NLGN1: variants seen among roughly 807,000 people sequenced by gnomAD.
The protein encoded by NLGN1 is neuroligin 1.
NLGN1 carries 12 observed loss-of-function variants against 65.5 expected under a neutral mutation model. The observed-to-expected ratio is 0.18, with a 90% CI of 0.12 to 0.30. The LOEUF is 0.30. Ranked by LOEUF, NLGN1 falls within the 10% of genes least tolerant of loss-of-function variation. The probability of loss-of-function intolerance (pLI) is 1.00; values close to 1 mark genes in which losing one functional copy is unlikely to be tolerated. For synonymous variants in NLGN1, 350 were observed against 359.5 expected (o/e 0.97, Z 0.30); for missense variants, 750 against 1,007.1 (o/e 0.74, Z 3.46).
intron 3 of NLGN1, among the ~76,000 whole-genome samples, chr3:173,744,505 C>T (rs1775078238): frequency 6.6e-6 from 1 of 152,044 alleles, no homozygotes; most frequent in Admixed American, 6.6e-5. Flanking sequence ...CAGAGAACAG[C>T]ATATTTTAGA....
intron 2 of NLGN1, among the ~76,000 whole-genome samples, chr3:173,507,161 A>ATAAG (rs891059206): frequency 2.0e-5 from 3 of 152,150 alleles, no homozygotes; most frequent in Admixed American, 2.0e-4. Flanking sequence ...GCTGTAGGGA[A>ATAAG]TAAGTACATG....
chr3:174,073,904 A>G (rs893503448), intron 4 of NLGN1, among the ~76,000 whole-genome samples: 3 of 152,212 alleles, frequency 2.0e-5, no homozygotes, highest in African/African-American at 7.2e-5. Context: ...GATAAATACT[A>G]TATTTAAGGT....
chr3:173,759,651 A>G (rs1565197), intron 3 of NLGN1, among the ~76,000 whole-genome samples: 10,508 of 151,904 alleles, frequency 0.069, 554 homozygotes, highest in Non-Finnish European at 0.097. Context: ...ACTTTCATTT[A>G]TATTTCCCTT....
intron 4 of NLGN1, among the ~76,000 whole-genome samples, chr3:174,268,062 GT>G (rs1748620728): frequency 1.3e-5 from 2 of 152,014 alleles, no homozygotes; most frequent in Admixed American, 1.3e-4. Context: ...GAAGTATATA[GT>G]TCCTGAGGAC....
intron 4 of NLGN1, among the ~76,000 whole-genome samples, chr3:174,133,385 T>C (rs1029373345): frequency 6.6e-5 from 10 of 152,224 alleles, no homozygotes; most frequent in Non-Finnish European, 1.3e-4. Flanking sequence ...TCCTCCCATT[T>C]AATCTTTCCT....
upstream of NLGN1, chr3:173,396,764 C>G (rs2148584721): frequency 6.6e-6 from 1 of 152,414 alleles, no homozygotes; most frequent in South Asian, 2.1e-4. Flanking sequence ...CGAGAACTTC[C>G]TATTCCCTGC....
intron 4 of NLGN1, among the ~76,000 whole-genome samples, chr3:174,241,120 C>T (rs1319296544): frequency 6.6e-6 from 1 of 152,048 alleles, no homozygotes; most frequent in Non-Finnish European, 1.5e-5. Flanking sequence ...TAGCTTTGAA[C>T]CCTACATTTT....
intron 3 of NLGN1, among the ~76,000 whole-genome samples, chr3:173,748,639 CA>C (rs1427568964): frequency 6.6e-6 from 1 of 152,066 alleles, no homozygotes; most frequent in East Asian, 1.9e-4. Context: ...AACAAACAAA[CA>C]AAAGGTTTCT....
chr3:173,764,258 G>T (rs186512583), intron 3 of NLGN1, among the ~76,000 whole-genome samples: 5 of 152,198 alleles, frequency 3.3e-5, no homozygotes, highest in Non-Finnish European at 7.4e-5. Context: ...AAAACTAATG[G>T]CATCTTAACT....
intron 2 of NLGN1, among the ~76,000 whole-genome samples, chr3:173,517,750 T>TTATC (rs368708618): frequency 0.31 from 45,963 of 147,048 alleles, 7,102 homozygotes; most frequent in Middle Eastern, 0.36. Flanking sequence ...TTTCGCAAAT[T>TTATC]TATCTATCTA....
At chr3:174,124,603 A>T (rs1026706328) in intron 4 of NLGN1, among the ~76,000 whole-genome samples, 1 of 146,458 alleles carries the variant, frequency 6.8e-6, no homozygotes, top group Non-Finnish European at 1.5e-5. Flanking sequence ...ACGTATACAT[A>T]TATACGTATA....
intron 2 of NLGN1, among the ~76,000 whole-genome samples, chr3:173,465,433 A>G (rs1223889004): frequency 6.6e-6 from 1 of 152,212 alleles, no homozygotes; most frequent in Non-Finnish European, 1.5e-5. Flanking sequence ...GGGCAGAAAC[A>G]TCACCCCCTA....
intron 4 of NLGN1, among the ~76,000 whole-genome samples, chr3:174,256,708 G>T (rs1302622070): frequency 6.6e-6 from 1 of 152,010 alleles, no homozygotes; most frequent in Non-Finnish European, 1.5e-5. Flanking sequence ...TTCAGTTTCT[G>T]TTTCCTGTAA....
intron 3 of NLGN1, among the ~76,000 whole-genome samples, chr3:173,773,018 A>G (rs184441710): frequency 5.3e-5 from 8 of 152,294 alleles, no homozygotes; most frequent in Non-Finnish European, 8.8e-5. Context: ...CATTCCTACT[A>G]TGAATTCCAT....
chr3:173,781,144 C>CAAAAAAAA (rs769716428), intron 3 of NLGN1, among the ~76,000 whole-genome samples: 33 of 80,394 alleles, frequency 4.1e-4, no homozygotes, highest in Non-Finnish European at 5.9e-4. Flanking sequence ...GACTCCGTCT[C>CAAAAAAAA]AAAAAAAAAA....
intron 4 of NLGN1, among the ~76,000 whole-genome samples, chr3:174,247,027 G>A (rs1397506143): frequency 1.3e-5 from 2 of 152,262 alleles, no homozygotes; most frequent in African/African-American, 2.4e-5. Context: ...ATAGCATAGA[G>A]CCTATATAAT....
chr3:173,854,225 A>C (rs570844991), intron 4 of NLGN1, among the ~76,000 whole-genome samples: 1 of 152,178 alleles, frequency 6.6e-6, no homozygotes, highest in East Asian at 1.9e-4. Flanking sequence ...ATAGCTTTTT[A>C]AAATAGCCAC....
At position 174,279,710 on chromosome 3, in the gene NLGN1, A is replaced by G; in HGVS notation, c.1649+60A>G. The stretch of plus-strand genomic sequence containing the variant: ...AAAATGTTATTTTAACCATTTTAAA[A>G]TAATAGATATTTATGCCCAGATAAT... On this transcript the variant is annotated intron_variant, in intron 6 of 6. Coordinates refer to ENST00000457714, the Ensembl canonical transcript of NLGN1. The surrounding 1 kb of genome is among the most constrained non-coding windows in gnomAD (Gnocchi z 4.7). The G allele has an allele frequency of 2.0e-6, 2 of 1,011,620 alleles. No individual in the cohort carries two copies. Among genetic ancestry groups the G allele is most frequent in the South Asian group, 1.7e-5 (1 of 60,154 alleles). 62.7% of individuals were successfully genotyped at this position (1,011,620 alleles called of 1,614,324 possible).
At chr3:173,924,092 T>A (rs1742560239) in intron 4 of NLGN1, among the ~76,000 whole-genome samples, 1 of 152,130 alleles carries the variant, frequency 6.6e-6, no homozygotes, top group South Asian at 2.1e-4. Flanking sequence ...ACAGAGATCA[T>A]CCATCTCATT....
Sources: allele counts gnomAD v4.1 joint callset (sites outside exome capture counted in the v4.1 genomes callset), GRCh38; gene constraint gnomAD v4.1.1; non-coding constraint Gnocchi (gnomAD v3.1); transcripts MANE v1.5; gene names NCBI Gene and HGNC (gene_info 2026-07-23, HGNC 2026-07-21).